Variants in NCOR1 observed in about 807,000 individuals in gnomAD.
The protein encoded by NCOR1 is protein phosphatase 1, regulatory subunit 109.
Under a neutral mutation model 288.1 loss-of-function variants are expected in NCOR1, and 63 were observed. The ratio of observed to expected loss-of-function variants is 0.22; its 90% CI spans 0.18 to 0.27. The LOEUF is 0.27. Ranked by LOEUF, NCOR1 falls within the 10% of genes least tolerant of loss-of-function variation. The pLI, the probability that NCOR1 is intolerant of heterozygous loss-of-function variation, is 1.00. For missense variants in NCOR1, 2,397 were observed against 3,019.2 expected (o/e 0.79, Z 4.83); for synonymous variants, 1,007 against 1,065.9 (o/e 0.94, Z 1.08).
At chr17:16,125,981 G>T in intron 15 of NCOR1, 101 bp downstream of exon 15, 1 of 630,468 alleles carries the variant, frequency 1.6e-6, no homozygotes. Context: ...TCACTACTAT[G>T]CAATATATCC....
intron 28 of NCOR1, among the ~76,000 whole-genome samples, chr17:16,072,899 C>T (rs958887015): frequency 6.6e-6 from 1 of 152,166 alleles, no homozygotes; most frequent in Non-Finnish European, 1.5e-5. Context: ...GTACTGAAGC[C>T]ATATCACATG....
chr17:16,215,469 A>G lies in NCOR1; in HGVS notation c.-178T>C, dbSNP rs963391957. On this transcript the variant is annotated 5_prime_UTR_variant, in exon 1 of 46. Transcript: ENST00000268712. ...GACCTCGTTCGGCGCGGCGAGTCGGACGCTCACTCCAGCCGCCGCCGCCGC... is the reference window on the plus strand; with the variant it reads ...GACCTCGTTCGGCGCGGCGAGTCGGGCGCTCACTCCAGCCGCCGCCGCCGC... 2 of 397,894 alleles carry G rather than the reference A, an allele frequency of 5.0e-6. No individual in the cohort carries two copies. The highest frequency in any genetic ancestry group is 8.9e-6 in the Non-Finnish European group (2 of 225,780). The allele number at this position is 397,894 out of a possible 1,614,324, so 24.6% of individuals were successfully genotyped here. A position where few individuals can be genotyped will look rare whatever the true frequency, so the allele number is the denominator to read the frequency against.
At chr17:16,149,373 A>G in intron 9 of NCOR1, 78 bp downstream of exon 9, 1 of 686,944 alleles carries the variant, frequency 1.5e-6, no homozygotes, top group Non-Finnish European at 2.4e-6. Flanking sequence ...ACTCTCATTA[A>G]CAGTAGGAAA....
intron 4 of NCOR1, among the ~76,000 whole-genome samples, chr17:16,165,382 C>T (rs981060030): frequency 6.6e-6 from 1 of 152,106 alleles, no homozygotes; most frequent in Non-Finnish European, 1.5e-5. Context: ...AAAAGCTATA[C>T]AAAGTGAGGT....
chr17:16,138,571 C>T (rs768128075), intron 12 of NCOR1, among the ~76,000 whole-genome samples: 3 of 152,148 alleles, frequency 2.0e-5, no homozygotes, highest in African/African-American at 7.2e-5. Context: ...AGCGACAGAG[C>T]GAGACTCCGT....
At chr17:16,176,489 G>A (rs568211681) in intron 3 of NCOR1, among the ~76,000 whole-genome samples, 15 of 152,132 alleles carry the variant, frequency 9.9e-5, no homozygotes, top group Non-Finnish European at 1.6e-4. Flanking sequence ...GGCTGGTCTC[G>A]AACTCCTGAC....
chr17:16,158,712 G>C, intron 6 of NCOR1, 48 bp downstream of exon 6: 1 of 1,164,438 alleles, frequency 8.6e-7, no homozygotes, highest in Non-Finnish European at 1.3e-6. Flanking sequence ...AAAGGGCATC[G>C]TCAAGTGGGG....
chr17:16,104,453 C>G (rs2068209370), intron 19 of NCOR1, among the ~76,000 whole-genome samples: 1 of 152,150 alleles, frequency 6.6e-6, no homozygotes, highest in Admixed American at 6.5e-5. Flanking sequence ...AGCCCATATT[C>G]TAGCGTGAAA....
intron 40 of NCOR1, among the ~76,000 whole-genome samples, chr17:16,053,872 G>A (rs1302016122): frequency 6.6e-6 from 1 of 151,766 alleles, no homozygotes; most frequent in Non-Finnish European, 1.5e-5. Context: ...ACAGAACAGA[G>A]AACCCAGAAA....
At chr17:16,063,891 C>A (rs919619403) in intron 35 of NCOR1, among the ~76,000 whole-genome samples, 177 bp downstream of exon 35, 1 of 152,180 alleles carries the variant, frequency 6.6e-6, no homozygotes, top group African/African-American at 2.4e-5. Context: ...GTGTAAAATT[C>A]ACGTTTCCAC....
At chr17:16,064,559 C>T (rs1282117177) in intron 34 of NCOR1, among the ~76,000 whole-genome samples, 1 of 151,498 alleles carries the variant, frequency 6.6e-6, no homozygotes, top group Non-Finnish European at 1.5e-5. Flanking sequence ...GCTGAGATCA[C>T]ACCACTGCGC....
intron 6 of NCOR1, among the ~76,000 whole-genome samples, chr17:16,158,041 T>A (rs1301498594): frequency 6.6e-6 from 1 of 151,916 alleles, no homozygotes; most frequent in African/African-American, 2.4e-5. Flanking sequence ...TGGCTCAATC[T>A]CGGCTCACTA....
At position 16,068,096 on chromosome 17, in the gene NCOR1, G is replaced by C. The variant is rs755932286; in HGVS notation, c.4539C>G (p.Thr1513=). 36 of 1,612,658 alleles carry C rather than the reference G, an allele frequency of 2.2e-5. No homozygotes were observed. Among genetic ancestry groups the C allele is most frequent in the Non-Finnish European group, 1.7e-5 (20 of 1,179,244 alleles). The stretch of plus-strand genomic sequence containing the variant: ...TCAGTGTCGATTTCCTTTCATGATT[G>C]GTAGACTTGTTAGAAGAAATTGTAA... ...SDVTISSNKS[T]NHERKSTLTP... Residue 1513 remains threonine (T), a synonymous_variant, in exon 32 of 46, where the codon ACC becomes ACG. Transcript: ENST00000268712.
In NCOR1 at chr17:16,215,088, G is replaced by C. The variant is rs533517187; in HGVS notation, c.-71+274C>G. ...CACGCCCCTCCGCACAGGACACCTC[G>C]GGGCCAGCCCCGGCCCGGCCACAGC... On this transcript the variant is annotated intron_variant, in intron 1 of 45. Transcript: ENST00000268712. Among the ~76,000 whole-genome samples the C allele has an allele frequency of 2.0e-5, 3 of 152,308 alleles. No homozygotes were observed. In the East Asian group the frequency reaches 5.8e-4, roughly 29 times the overall value.
chr17:16,077,942 C>T (rs2062809438), intron 26 of NCOR1, among the ~76,000 whole-genome samples: 1 of 152,198 alleles, frequency 6.6e-6, no homozygotes, highest in Admixed American at 6.5e-5. Context: ...GGAAAAATAA[C>T]TTTCAAATAT....
chr17:16,046,289 G>C (rs1292978640), intron 42 of NCOR1, among the ~76,000 whole-genome samples: 1 of 152,158 alleles, frequency 6.6e-6, no homozygotes, highest in Non-Finnish European at 1.5e-5. Context: ...ATTAAAAGTA[G>C]CCCAAGACCT....
intron 4 of NCOR1, among the ~76,000 whole-genome samples, chr17:16,168,220 G>C (rs570868965): frequency 6.6e-6 from 1 of 152,156 alleles, no homozygotes; most frequent in East Asian, 1.9e-4. Context: ...TATTTTTTGA[G>C]ATGAAGTCTC....
chr17:16,206,111 A>G (rs1315436702), intron 1 of NCOR1, among the ~76,000 whole-genome samples: 2 of 151,942 alleles, frequency 1.3e-5, no homozygotes. Context: ...GCATACCTGA[A>G]TACTACTGGT....
chr17:16,044,970 T>C (rs372111545), intron 42 of NCOR1: 27 of 537,370 alleles, frequency 5.0e-5, no homozygotes, highest in South Asian at 4.2e-4. Flanking sequence ...AAATTTCTTA[T>C]AACGTGTTCA....
Sources: gnomAD v4.1 joint callset for allele counts (sites outside exome capture counted in the v4.1 genomes callset) on GRCh38, gnomAD v4.1.1 for gene constraint, MANE v1.5 for transcripts, NCBI Gene and HGNC (gene_info 2026-07-23, HGNC 2026-07-21) for gene names.